Variants in KLHL14 observed in about 807,000 individuals in gnomAD.
KLHL14 encodes kelch-like protein 14.
Under a neutral mutation model 64.3 loss-of-function variants are expected in KLHL14, and 22 were observed. The observed-to-expected ratio is 0.34, with a 90% CI of 0.24 to 0.49. The LOEUF (loss-of-function observed/expected upper bound fraction) is 0.49, where lower values mean the gene tolerates loss of function less well. Among genes scored for constraint, KLHL14 ranks in the 20% least tolerant of loss-of-function variants. KLHL14 has a pLI of 0.99. For missense variants in KLHL14, 661 were observed against 789.0 expected (o/e 0.84, Z 1.94); for synonymous variants, 322 against 333.4 (o/e 0.97, Z 0.37).
chr18:32,677,086 A>C, intron 8 of KLHL14, 87 bp downstream of exon 8: 1 of 1,348,524 alleles, frequency 7.4e-7, no homozygotes, highest in South Asian at 1.4e-5. Flanking sequence ...TAAAAGGTAC[A>C]TGTGTGGAGG....
intron 2 of KLHL14, among the ~76,000 whole-genome samples, chr18:32,768,914 T>A (rs896788122): frequency 1.3e-5 from 2 of 152,200 alleles, no homozygotes; most frequent in Non-Finnish European, 2.9e-5. Context: ...AATTTTCAAG[T>A]GCACTCTTCT....
At chr18:32,732,919 T>G (rs562809268) in intron 3 of KLHL14, among the ~76,000 whole-genome samples, 1 of 152,302 alleles carries the variant, frequency 6.6e-6, no homozygotes, top group South Asian at 2.1e-4. Context: ...GCTAATCAGT[T>G]ATTTAATGAA....
rs1385206906 is a variant in KLHL14, at chr18:32,672,682, A to C, written c.*1975T>G. 6.6e-6 allele frequency: 1 copy of C among 152,614 alleles called. No individual in the cohort carries two copies. The highest frequency in any genetic ancestry group is 1.5e-5 in the Non-Finnish European group (1 of 68,026). The allele number at this position is 152,614 out of a possible 1,614,324, so 9.5% of individuals were successfully genotyped here. A position where few individuals can be genotyped will look rare whatever the true frequency, so the allele number is the denominator to read the frequency against. Reference sequence around the variant, plus strand: ...ATGAGAGACAGTTGAATTAGTACATAAAGTTTTTATTTAAAGTTTTCCCCT... The same window carrying C: ...ATGAGAGACAGTTGAATTAGTACATCAAGTTTTTATTTAAAGTTTTCCCCT... On this transcript the variant is annotated 3_prime_UTR_variant, in exon 9 of 9. Transcript: ENST00000359358.
intron 3 of KLHL14, 103 bp downstream of exon 3, chr18:32,741,825 C>A (rs905404524): frequency 1.2e-4 from 157 of 1,269,836 alleles, no homozygotes; most frequent in Non-Finnish European, 1.4e-4. Flanking sequence ...GGGAACAAAT[C>A]AATAAAATGT....
At chr18:32,764,236 G>C (rs2050328925) in intron 2 of KLHL14, among the ~76,000 whole-genome samples, 1 of 152,086 alleles carries the variant, frequency 6.6e-6, no homozygotes. Context: ...AGCCTCTTCT[G>C]AATAATGATG....
chr18:32,709,233 C>T (rs2050006175), intron 3 of KLHL14, among the ~76,000 whole-genome samples: 1 of 152,176 alleles, frequency 6.6e-6, no homozygotes, highest in Non-Finnish European at 1.5e-5. Context: ...CTGCAACACT[C>T]CAAACATGTT....
At chr18:32,738,383 G>A (rs1045203911) in intron 3 of KLHL14, 1 of 152,098 alleles carries the variant, frequency 6.6e-6, no homozygotes, top group African/African-American at 2.4e-5. Flanking sequence ...AGATGAAACG[G>A]GAGACTGCGT....
intron 3 of KLHL14, among the ~76,000 whole-genome samples, chr18:32,707,969 A>G (rs9304111): frequency 0.14 from 20,718 of 152,170 alleles, 4,272 homozygotes; most frequent in African/African-American, 0.45. Flanking sequence ...TATTTACTGG[A>G]TGATTTAATG....
chr18:32,712,416 T>C (rs1328446221), intron 3 of KLHL14, among the ~76,000 whole-genome samples: 1 of 152,190 alleles, frequency 6.6e-6, no homozygotes, highest in Non-Finnish European at 1.5e-5. Context: ...GTACTGTGCC[T>C]TCCTTTTGTT....
At chr18:32,771,726 T>G (rs1263022706) in intron 1 of KLHL14, among the ~76,000 whole-genome samples, 2 of 151,558 alleles carry the variant, frequency 1.3e-5, no homozygotes, top group Non-Finnish European at 2.9e-5. Context: ...GCGCAGTCGC[T>G]TTAACTCCAG....
At chr18:32,710,285 AAG>A (rs1464984185) in intron 3 of KLHL14, among the ~76,000 whole-genome samples, 2 of 152,308 alleles carry the variant, frequency 1.3e-5, no homozygotes, top group Non-Finnish European at 2.9e-5. Context: ...GACTTAACAA[AAG>A]TTTGCAATTG....
chr18:32,698,305 T>C (rs1303945316), intron 3 of KLHL14, among the ~76,000 whole-genome samples: 1 of 152,172 alleles, frequency 6.6e-6, no homozygotes, highest in African/African-American at 2.4e-5. Flanking sequence ...GGGGGAGGTT[T>C]GTACTCCAGG....
chr18:32,707,803 A>C (rs1480248476), intron 3 of KLHL14, among the ~76,000 whole-genome samples: 1 of 152,102 alleles, frequency 6.6e-6, no homozygotes, highest in African/African-American at 2.4e-5. Context: ...TGTGCCTTTA[A>C]CCTTTGGTGG....
rs149297649 is a variant in KLHL14 at position 32,676,057 on chromosome 18, A to G, written c.1746+1116T>C. ...GTGAATATGTAATCTGCTAGACCCAATGTGTCTCCTGATGTACTGTAATTT... is the reference window on the plus strand; with the variant it reads ...GTGAATATGTAATCTGCTAGACCCAGTGTGTCTCCTGATGTACTGTAATTT... On this transcript the variant is annotated intron_variant, in intron 8 of 8. Coordinates refer to ENST00000359358, the MANE Select transcript of KLHL14 (RefSeq NM_020805.3). Among the ~76,000 whole-genome samples the G allele has an allele frequency of 7.2e-3, 1,090 of 152,300 alleles. 6 individuals are homozygous for G. Among genetic ancestry groups the G allele is most frequent in the Non-Finnish European group, 0.01 (698 of 68,018 alleles).
rs1359139950 is a variant in KLHL14 at position 32,770,652 on chromosome 18, G to A, written c.-43-18C>T. 4 of 1,417,210 alleles carry A rather than the reference G, an allele frequency of 2.8e-6. No homozygotes were observed. The highest frequency in any genetic ancestry group is 3.7e-6 in the Non-Finnish European group (4 of 1,071,502). The allele number at this position is 1,417,210 out of a possible 1,614,324, so 87.8% of individuals were successfully genotyped here. A position where few individuals can be genotyped will look rare whatever the true frequency, so the allele number is the denominator to read the frequency against. On this transcript the variant is annotated intron_variant, in intron 1 of 8. Transcript: ENST00000359358. The surrounding 1 kb of genome is among the most constrained non-coding windows in gnomAD (Gnocchi z 6.7). ...CCTCCAACCTGGCAGACAGGGGTGGGGGATGGGAGGGAGGGGAGCAGGGTG... is the reference window on the plus strand; with the variant it reads ...CCTCCAACCTGGCAGACAGGGGTGGAGGATGGGAGGGAGGGGAGCAGGGTG...
intron 2 of KLHL14, chr18:32,743,959 G>T (rs2050211821): frequency 1.3e-5 from 2 of 152,008 alleles, no homozygotes; most frequent in African/African-American, 4.8e-5. Context: ...CTCTTTTTAG[G>T]TTGCTGCAAA....
At chr18:32,689,178 G>T (rs1002488121) in intron 4 of KLHL14, among the ~76,000 whole-genome samples, 4 of 152,096 alleles carry the variant, frequency 2.6e-5, no homozygotes, top group Admixed American at 2.6e-4. Context: ...GGAAGTGTCT[G>T]GTAGGCCACT....
At position 32,710,377 on chromosome 18, in the gene KLHL14, A is replaced by G. The variant is rs575072254; in HGVS notation, c.1070-14825T>C. Among the ~76,000 whole-genome samples, 12 of 152,354 alleles carry G rather than the reference A, an allele frequency of 7.9e-5. No individual in the cohort carries two copies. In the South Asian group the frequency reaches 2.5e-3, roughly 32 times the overall value. ...GAGGCAAGAATGTGTGGTTTCCAGAAGATGATGATATCTGGACATGTGGAT... is the reference window on the plus strand; with the variant it reads ...GAGGCAAGAATGTGTGGTTTCCAGAGGATGATGATATCTGGACATGTGGAT... On this transcript the variant is annotated intron_variant, in intron 3 of 8. Transcript: ENST00000359358.
At chr18:32,685,489 G>T (rs1327711844) in intron 5 of KLHL14, among the ~76,000 whole-genome samples, 1 of 152,094 alleles carries the variant, frequency 6.6e-6, no homozygotes, top group Non-Finnish European at 1.5e-5. Context: ...AAACTTTTTG[G>T]AATAGTTTTG....
Sources: allele counts gnomAD v4.1 joint callset (sites outside exome capture counted in the v4.1 genomes callset), GRCh38; gene constraint gnomAD v4.1.1; non-coding constraint Gnocchi (gnomAD v3.1); transcripts MANE v1.5; gene names NCBI Gene and HGNC (gene_info 2026-07-23, HGNC 2026-07-21).